B3GALT1: variants seen among roughly 807,000 people sequenced by gnomAD.
B3GALT1 encodes UDP-Gal:betaGlcNAc beta 1,3-galactosyltransferase, polypeptide 1.
B3GALT1 carries 10 observed loss-of-function variants against 23.2 expected under a neutral mutation model. That is an observed-to-expected ratio of 0.43 (90% CI 0.27 to 0.73). The LOEUF is 0.73. Ranked by LOEUF, B3GALT1 falls within the 30% of genes least tolerant of loss-of-function variation. The pLI, the probability that B3GALT1 is intolerant of heterozygous loss-of-function variation, is 0.21. For missense variants in B3GALT1, 299 were observed against 405.4 expected (o/e 0.74, Z 2.25); for synonymous variants, 156 against 141.5 (o/e 1.10, Z -0.73).
intron 2 of B3GALT1, among the ~76,000 whole-genome samples, chr2:167,574,707 C>A: frequency 6.6e-6 from 1 of 151,528 alleles, no homozygotes; most frequent in East Asian, 1.9e-4. Context: ...TTTATCAGTT[C>A]CATATAAATT....
At chr2:167,458,082 G>A (rs1219765537) in intron 1 of B3GALT1, among the ~76,000 whole-genome samples, 1 of 152,054 alleles carries the variant, frequency 6.6e-6, no homozygotes. Context: ...CTTTCATCCT[G>A]TAAACTAAAT....
chr2:167,358,664 CA>C (rs1408291853), intron 1 of B3GALT1, among the ~76,000 whole-genome samples: 3 of 151,928 alleles, frequency 2.0e-5, no homozygotes, highest in African/African-American at 7.3e-5. Context: ...TTTGAATTAA[CA>C]CTATATACTA....
intron 3 of B3GALT1, among the ~76,000 whole-genome samples, chr2:167,799,974 TTATGTATAC>T (rs1688610061): frequency 8.6e-6 from 1 of 116,678 alleles, no homozygotes; most frequent in African/African-American, 4.2e-5. Flanking sequence ...ATGTATACAC[TTATGTATAC>T]ACATAGTTTC....
intron 3 of B3GALT1, among the ~76,000 whole-genome samples, chr2:167,776,430 TTTCTC>T (rs1296694357): frequency 3.9e-5 from 6 of 152,328 alleles, no homozygotes; most frequent in African/African-American, 1.2e-4. Flanking sequence ...TACTAAACGT[TTTCTC>T]TAAAGTATGA....
chr2:167,514,186 T>A (rs1700068816), intron 2 of B3GALT1, among the ~76,000 whole-genome samples: 1 of 152,146 alleles, frequency 6.6e-6, no homozygotes, highest in Admixed American at 6.5e-5. Context: ...GGATTACAGG[T>A]GTGAGCCACC....
At chr2:167,699,361 G>GT (rs1033845046) in intron 3 of B3GALT1, among the ~76,000 whole-genome samples, 28 of 124,580 alleles carry the variant, frequency 2.2e-4, no homozygotes, top group African/African-American at 7.3e-4. Context: ...GTTTGGGGGA[G>GT]TTTTTTGCCA....
chr2:167,597,111 G>GTT (rs1354123455), intron 2 of B3GALT1, among the ~76,000 whole-genome samples: 6 of 135,572 alleles, frequency 4.4e-5, no homozygotes, highest in African/African-American at 1.5e-4. Context: ...TTTGTTTTTT[G>GTT]TTTTTGTTTT....
chr2:167,662,982 A>C (rs1395028981), intron 3 of B3GALT1, among the ~76,000 whole-genome samples: 1 of 151,586 alleles, frequency 6.6e-6, no homozygotes, highest in South Asian at 2.1e-4. Flanking sequence ...CTTACACTTT[A>C]AGTTTTAGGG....
chr2:167,712,620 C>T (rs1260065342), intron 3 of B3GALT1, among the ~76,000 whole-genome samples: 2 of 151,958 alleles, frequency 1.3e-5, no homozygotes, highest in Non-Finnish European at 2.9e-5. Context: ...CTCACTAACC[C>T]TGTTGGATTA....
intron 2 of B3GALT1, among the ~76,000 whole-genome samples, chr2:167,512,641 T>C (rs1471977742): frequency 7.4e-6 from 1 of 134,344 alleles, no homozygotes; most frequent in African/African-American, 2.8e-5. Context: ...TATATACATA[T>C]ATATATATAT....
chr2:167,663,397 T>C (rs1025069399), intron 3 of B3GALT1, among the ~76,000 whole-genome samples: 76 of 151,988 alleles, frequency 5.0e-4, no homozygotes, highest in African/African-American at 1.8e-3. Context: ...TCTTTGCTAT[T>C]GTGAATAATG....
At chr2:167,514,572 A>G (rs1243592803) in intron 2 of B3GALT1, among the ~76,000 whole-genome samples, 6 of 152,214 alleles carry the variant, frequency 3.9e-5, no homozygotes, top group Admixed American at 3.9e-4. Flanking sequence ...AGCCAAGTAT[A>G]AATGAGTTTA....
At chr2:167,733,503 G>C (rs1052210531) in intron 3 of B3GALT1, among the ~76,000 whole-genome samples, 1 of 151,936 alleles carries the variant, frequency 6.6e-6, no homozygotes, top group African/African-American at 2.4e-5. Context: ...GGTGGCCCAG[G>C]GAAGCCAAAA....
intron 2 of B3GALT1, among the ~76,000 whole-genome samples, chr2:167,527,985 A>G (rs1334268221): frequency 6.6e-6 from 1 of 152,220 alleles, no homozygotes; most frequent in Non-Finnish European, 1.5e-5. Flanking sequence ...AAGACATTGG[A>G]TAACATTATA....
At chr2:167,315,663 C>G (rs1696704470) in intron 1 of B3GALT1, among the ~76,000 whole-genome samples, 1 of 152,060 alleles carries the variant, frequency 6.6e-6, no homozygotes, top group Non-Finnish European at 1.5e-5. Flanking sequence ...TCCTCTTATC[C>G]CTCCTATACC....
chr2:167,784,721 G>C lies in B3GALT1; in HGVS notation c.-351-33951G>C, dbSNP rs1574261003. ...AATATCTGGACTACGTAAATACTTAGAAAGCCTATGTAAAACAATGCTGTA... is the reference window on the plus strand; with the variant it reads ...AATATCTGGACTACGTAAATACTTACAAAGCCTATGTAAAACAATGCTGTA... On this transcript the variant is annotated intron_variant, in intron 3 of 4. Coordinates refer to ENST00000392690, the MANE Select transcript of B3GALT1 (RefSeq NM_020981.4). Among the ~76,000 whole-genome samples the C allele has an allele frequency of 2.0e-5, 3 of 152,128 alleles. No homozygotes were observed. In the South Asian group the frequency reaches 6.2e-4, roughly 32 times the overall value.
rs545703293 is a variant in B3GALT1 at position 167,367,391 on chromosome 2, A to G, written c.-511+74057A>G. 2.0e-5 allele frequency among the ~76,000 whole-genome samples: 3 copies of G among 152,326 alleles called. No individual in the cohort carries two copies. The East Asian group carries it at 5.8e-4, about 29-fold the overall frequency. The stretch of plus-strand genomic sequence containing the variant: ...TGGACTACCCATTGCTTAGCATTGG[A>G]TCTTCTTAGGGAAAGTGGTCAACAT... On this transcript the variant is annotated intron_variant, in intron 1 of 4. Coordinates refer to ENST00000392690, the MANE Select transcript of B3GALT1 (RefSeq NM_020981.4).
chr2:167,513,381 GACAT>G (rs1413475612), intron 2 of B3GALT1, among the ~76,000 whole-genome samples: 4 of 152,122 alleles, frequency 2.6e-5, no homozygotes, highest in Admixed American at 2.6e-4. Flanking sequence ...AAGAAATAGA[GACAT>G]ACAAAGGACA....
At chr2:167,558,801 C>G (rs1683905014) in intron 2 of B3GALT1, among the ~76,000 whole-genome samples, 1 of 152,230 alleles carries the variant, frequency 6.6e-6, no homozygotes, top group Non-Finnish European at 1.5e-5. Context: ...ACAAAGCAGC[C>G]AGGAAGTTCG....
Sources: allele counts gnomAD v4.1 joint callset (sites outside exome capture counted in the v4.1 genomes callset), GRCh38; gene constraint gnomAD v4.1.1; transcripts MANE v1.5; gene names NCBI Gene and HGNC (gene_info 2026-07-23, HGNC 2026-07-21).